Variants in RBMS3 observed in about 807,000 individuals in gnomAD.
RBMS3 encodes the protein RNA binding motif single stranded interacting protein 3.
A neutral mutation model predicts 66.8 loss-of-function variants in RBMS3; 27 were observed. The observed-to-expected ratio is 0.40, with a 90% CI of 0.30 to 0.56. RBMS3 has a LOEUF of 0.56. Ranked by LOEUF, RBMS3 falls within the 20% of genes least tolerant of loss-of-function variation. RBMS3 has a pLI of 0.40. For missense variants in RBMS3, 513 were observed against 549.5 expected, an observed-to-expected ratio of 0.93 and a Z score of 0.66; for synonymous variants, 188 against 183.0, an observed-to-expected ratio of 1.03 and a Z score of -0.22.
intron 3 of RBMS3, among the ~76,000 whole-genome samples, chr3:29,572,197 A>G (rs1327195315): frequency 6.6e-6 from 1 of 152,100 alleles, no homozygotes. Context: ...GTTTTTTCAA[A>G]TATGAGATCG....
intron 3 of RBMS3, among the ~76,000 whole-genome samples, chr3:29,578,880 C>A (rs990933624): frequency 6.9e-5 from 9 of 131,142 alleles, no homozygotes; most frequent in South Asian, 3.0e-4. Flanking sequence ...CGGCTCACTG[C>A]AAGCTCCGCT....
At chr3:29,629,947 G>GTA (rs1377720260) in intron 4 of RBMS3, among the ~76,000 whole-genome samples, 1 of 152,020 alleles carries the variant, frequency 6.6e-6, no homozygotes, top group Admixed American at 6.6e-5. Flanking sequence ...TAAATTCATA[G>GTA]TAGGTCACAG....
At position 30,009,189 on chromosome 3, in the gene RBMS3, G is replaced by A. The variant is rs1699888711; in HGVS notation, c.*5327G>A. On this transcript the variant is annotated 3_prime_UTR_variant, in exon 15 of 15. Transcript: ENST00000383767. ...ACTACTGCCCCAATTTCTAAATTGTGCATAAATACAATCACTCTCAATTTT... is the reference window on the plus strand; with the variant it reads ...ACTACTGCCCCAATTTCTAAATTGTACATAAATACAATCACTCTCAATTTT... The A allele has an allele frequency of 6.6e-6, 1 of 152,054 alleles. No homozygotes were observed. The highest frequency in any genetic ancestry group is 6.6e-5 in the Admixed American group (1 of 15,266). 9.4% of individuals were successfully genotyped at this position (152,054 alleles called of 1,614,324 possible).
rs77527452 is a variant in RBMS3, at chr3:29,505,113, G to A, written c.307+16614G>A. Among the ~76,000 whole-genome samples, 130 of 152,044 alleles carry A rather than the reference G, an allele frequency of 8.6e-4. 1 individual carries two copies. The highest frequency in any genetic ancestry group is 2.9e-3 in the African/African-American group (122 of 41,490). ...TTGTTTCCTGTGCTTTTAGTGTCAT[G>A]TCCAATAAATAAGTGACCAGACCAA... On this transcript the variant is annotated intron_variant, in intron 3 of 14. Coordinates refer to ENST00000383767, the MANE Select transcript of RBMS3 (RefSeq NM_001003793.3).
intron 6 of RBMS3, among the ~76,000 whole-genome samples, chr3:29,857,681 CAT>C (rs1461094088): frequency 6.6e-6 from 1 of 151,690 alleles, no homozygotes; most frequent in African/African-American, 2.4e-5. Context: ...AGGATATTGA[CAT>C]GTGTATTACC....
chr3:29,592,191 C>T (rs1242169262), intron 4 of RBMS3, among the ~76,000 whole-genome samples: 3 of 144,646 alleles, frequency 2.1e-5, no homozygotes, highest in Non-Finnish European at 3.0e-5. Context: ...AATTCAAACA[C>T]ACATACACAC....
In RBMS3 at chr3:29,365,659, C is replaced by T. The variant is rs115444689; in HGVS notation, c.76-69084C>T. ...GCTCTCTTAGGTATCTCTGTTAGTC[C>T]TTAATTTCTCCTATGGATGCAATGT... On this transcript the variant is annotated intron_variant, in intron 1 of 14. Transcript: ENST00000383767. Among the ~76,000 whole-genome samples, 318 of 152,238 alleles carry T rather than the reference C, an allele frequency of 2.1e-3. 1 individual carries two copies. Among genetic ancestry groups the T allele is most frequent in the African/African-American group, 7.2e-3 (298 of 41,548 alleles).
chr3:29,287,900 T>C (rs995830971), intron 1 of RBMS3, among the ~76,000 whole-genome samples: 2 of 151,996 alleles, frequency 1.3e-5, no homozygotes, highest in Non-Finnish European at 2.9e-5. Context: ...TAAATTTTGC[T>C]TGGTTTTGTT....
chr3:29,351,587 AC>A (rs1379227887), intron 1 of RBMS3, among the ~76,000 whole-genome samples: 9 of 151,734 alleles, frequency 5.9e-5, no homozygotes, highest in Non-Finnish European at 1.2e-4. Flanking sequence ...TCTTTTACTG[AC>A]TTTTTTGAGT....
At chr3:29,648,332 A>C (rs1016047140) in intron 4 of RBMS3, among the ~76,000 whole-genome samples, 3 of 136,390 alleles carry the variant, frequency 2.2e-5, no homozygotes, top group African/African-American at 8.5e-5. Context: ...CAGTGGCATG[A>C]ACAATAATGG....
chr3:29,419,613 T>G (rs1197060511), intron 1 of RBMS3, among the ~76,000 whole-genome samples: 1 of 152,182 alleles, frequency 6.6e-6, no homozygotes, highest in Non-Finnish European at 1.5e-5. Context: ...AAAACTATCA[T>G]TATAGTAATA....
At chr3:29,550,514 TATA>T (rs1437133699) in intron 3 of RBMS3, among the ~76,000 whole-genome samples, 2 of 152,162 alleles carry the variant, frequency 1.3e-5, no homozygotes, top group Non-Finnish European at 2.9e-5. Flanking sequence ...ATTCAAATAG[TATA>T]ATAGTAAAAT....
chr3:29,521,584 C>A (rs2044859140), intron 3 of RBMS3, among the ~76,000 whole-genome samples: 1 of 152,098 alleles, frequency 6.6e-6, no homozygotes, highest in South Asian at 2.1e-4. Flanking sequence ...AAAATTGAGT[C>A]CAGGATGTAC....
intron 6 of RBMS3, among the ~76,000 whole-genome samples, chr3:29,842,460 C>A (rs574116578): frequency 6.6e-6 from 1 of 152,018 alleles, no homozygotes; most frequent in Non-Finnish European, 1.5e-5. Flanking sequence ...TTATATGAAA[C>A]GATTTAATGG....
At chr3:29,567,107 A>G (rs893791043) in intron 3 of RBMS3, among the ~76,000 whole-genome samples, 4 of 152,036 alleles carry the variant, frequency 2.6e-5, no homozygotes, top group African/African-American at 4.8e-5. Flanking sequence ...TAAAGTGACT[A>G]TTTCTTCATT....
At chr3:29,703,139 G>C (rs1576567757) in intron 4 of RBMS3, among the ~76,000 whole-genome samples, 1 of 152,150 alleles carries the variant, frequency 6.6e-6, no homozygotes, top group South Asian at 2.1e-4. Context: ...TTACATTTAA[G>C]TACAATGAAA....
chr3:29,493,445 A>G (rs542718706), intron 3 of RBMS3, among the ~76,000 whole-genome samples: 2 of 152,312 alleles, frequency 1.3e-5, no homozygotes, highest in African/African-American at 4.8e-5. Flanking sequence ...AGCCTCACTC[A>G]CAGTGTGTTG....
chr3:29,368,222 T>C (rs2038010480), intron 1 of RBMS3, among the ~76,000 whole-genome samples: 1 of 152,276 alleles, frequency 6.6e-6, no homozygotes, highest in South Asian at 2.1e-4. Context: ...GACATTGCAT[T>C]ATTTGGTGGA....
chr3:29,874,663 G>C (rs1166103347), intron 7 of RBMS3, among the ~76,000 whole-genome samples: 1 of 152,140 alleles, frequency 6.6e-6, no homozygotes, highest in African/African-American at 2.4e-5. Flanking sequence ...AGATATGGTT[G>C]TATTTATTTT....
Sources: gnomAD v4.1 joint callset for allele counts (sites outside exome capture counted in the v4.1 genomes callset) on GRCh38, gnomAD v4.1.1 for gene constraint, MANE v1.5 for transcripts, NCBI Gene and HGNC (gene_info 2026-07-23, HGNC 2026-07-21) for gene names.